SLC14A2: variants seen among roughly 807,000 people sequenced by gnomAD.
SLC14A2 encodes the protein solute carrier family 14 member 2, also known as urea transporter 2.
Under a neutral mutation model 104.6 loss-of-function variants are expected in SLC14A2, and 91 were observed. The ratio of observed to expected loss-of-function variants is 0.87; its 90% CI spans 0.73 to 1.04. SLC14A2 has a LOEUF of 1.04. SLC14A2 is among the 50% of genes least tolerant of loss of function. The probability of loss-of-function intolerance (pLI) is 0.00; values close to 1 mark genes in which losing one functional copy is unlikely to be tolerated. For missense variants in SLC14A2, 1,189 were observed against 1,156.0 expected (o/e 1.03, Z -0.41); for synonymous variants, 476 against 466.4 (o/e 1.02, Z -0.27).
intron 1 of SLC14A2, among the ~76,000 whole-genome samples, chr18:45,432,919 T>A (rs1254718216): frequency 6.6e-6 from 1 of 152,226 alleles, no homozygotes. Flanking sequence ...GTACATTTTT[T>A]GTGCAATAAA....
rs756238334 is a variant in SLC14A2 at position 45,667,938 on chromosome 18, T to G, written c.1823T>G (p.Phe608Cys). The G allele has an allele frequency of 6.2e-7, 1 of 1,614,130 alleles. No individual in the cohort carries two copies. The highest frequency in any genetic ancestry group is 8.5e-7 in the Non-Finnish European group (1 of 1,180,010). Residue 608 changes from phenylalanine (F) to cysteine (C), a missense_variant, in exon 14 of 20, where the codon TTC becomes TGC. Coordinates refer to ENST00000255226, the MANE Select transcript of SLC14A2 (RefSeq NM_007163.4). Reference sequence around the variant, plus strand: ...GGCATCCTCATCATCCTCGGCCTCTTCATCCAGAACCCCTGGTGGGCGATC... The same window carrying G: ...GGCATCCTCATCATCCTCGGCCTCTGCATCCAGAACCCCTGGTGGGCGATC... ...LSGILIILGL[F>C]IQNPWWAISG...
chr18:45,426,651 A>T (rs1415206448), intron 1 of SLC14A2, among the ~76,000 whole-genome samples: 4 of 147,780 alleles, frequency 2.7e-5, no homozygotes, highest in African/African-American at 9.9e-5. Context: ...ATATACATAT[A>T]TACATACATA....
intron 1 of SLC14A2, among the ~76,000 whole-genome samples, chr18:45,405,353 T>G (rs1172355588): frequency 1.3e-5 from 2 of 152,280 alleles, no homozygotes; most frequent in East Asian, 3.9e-4. Flanking sequence ...ATCTAGGCAC[T>G]ATGTACCTCA....
At chr18:45,219,481 G>A (rs888215592) in intron 1 of SLC14A2, among the ~76,000 whole-genome samples, 3 of 151,024 alleles carry the variant, frequency 2.0e-5, no homozygotes, top group African/African-American at 7.3e-5. Context: ...TCCTCAGGTG[G>A]TAGAATCTAG....
chr18:45,236,662 C>T (rs887776280), intron 1 of SLC14A2, among the ~76,000 whole-genome samples: 7 of 150,792 alleles, frequency 4.6e-5, no homozygotes, highest in Non-Finnish European at 7.4e-5. Context: ...TTCTTTCTTT[C>T]ATCAATGGAC....
chr18:45,223,709 C>T (rs996750607), intron 1 of SLC14A2, among the ~76,000 whole-genome samples: 1 of 152,152 alleles, frequency 6.6e-6, no homozygotes, highest in Non-Finnish European at 1.5e-5. Context: ...CTCCTAGCTC[C>T]CTTAAGGACT....
At chr18:45,361,864 G>A (rs2085615240) in intron 1 of SLC14A2, among the ~76,000 whole-genome samples, 1 of 152,124 alleles carries the variant, frequency 6.6e-6, no homozygotes, top group African/African-American at 2.4e-5. Context: ...ATTGCTGCAT[G>A]GAAAAAAATG....
intron 1 of SLC14A2, among the ~76,000 whole-genome samples, chr18:45,259,023 T>A (rs555063119): frequency 6.6e-6 from 1 of 152,312 alleles, no homozygotes; most frequent in African/African-American, 2.4e-5. Context: ...ACTGGCACAC[T>A]CACACGTGGA....
chr18:45,199,327 C>A, the SLC14A2 span, among the ~76,000 whole-genome samples: 5 of 152,036 alleles, frequency 3.3e-5, no homozygotes, highest in African/African-American at 1.2e-4. Context: ...ACCCTCTTCC[C>A]AATTATTTGT....
intron 1 of SLC14A2, among the ~76,000 whole-genome samples, chr18:45,340,865 G>A (rs1489661178): frequency 2.6e-5 from 4 of 152,142 alleles, no homozygotes. Context: ...TAAGGGTGAA[G>A]CCACCCTTCA....
At chr18:45,252,887 A>G (rs2084437785) in intron 1 of SLC14A2, among the ~76,000 whole-genome samples, 1 of 151,624 alleles carries the variant, frequency 6.6e-6, no homozygotes, top group South Asian at 2.1e-4. Context: ...CAAAAGTCAC[A>G]AAAGATGCCT....
intron 1 of SLC14A2, among the ~76,000 whole-genome samples, chr18:45,434,283 TGA>T (rs1344089805): frequency 6.6e-6 from 1 of 152,182 alleles, no homozygotes; most frequent in East Asian, 1.9e-4. Flanking sequence ...ACTGATGGGT[TGA>T]GAGTCCCACT....
intron 2 of SLC14A2, among the ~76,000 whole-genome samples, chr18:45,591,176 A>T (rs982910908): frequency 1.3e-5 from 2 of 152,062 alleles, no homozygotes; most frequent in Admixed American, 6.5e-5. Flanking sequence ...TACTCTTCTG[A>T]TATGCAAATA....
chr18:45,637,981 T>C (rs1318374914), intron 6 of SLC14A2, among the ~76,000 whole-genome samples: 1 of 152,138 alleles, frequency 6.6e-6, no homozygotes, highest in Non-Finnish European at 1.5e-5. Flanking sequence ...GGCTGAAATA[T>C]AGATCCCAGC....
intron 1 of SLC14A2, among the ~76,000 whole-genome samples, chr18:45,294,645 T>C (rs1265104143): frequency 1.3e-5 from 2 of 152,240 alleles, no homozygotes; most frequent in African/African-American, 4.8e-5. Flanking sequence ...CAAATGTTAA[T>C]AGGTATAACT....
At position 45,236,176 on chromosome 18, in the gene SLC14A2, CATAT is replaced by C. The variant is rs1212617702; in HGVS notation, c.-125+22988_-125+22991del. 1.1e-4 allele frequency among the ~76,000 whole-genome samples: 4 copies of C among 36,186 alleles called. 1 individual carries two copies. The highest frequency in any genetic ancestry group is 2.0e-4 in the Non-Finnish European group (4 of 20,448). 23.7% of individuals were successfully genotyped at this position (36,186 alleles called of 152,430 possible). A position where few individuals can be genotyped will look rare whatever the true frequency, so the allele number is the denominator to read the frequency against. The stretch of plus-strand genomic sequence containing the variant: ...ATGTGTGTATATATGTGTATATATA[CATAT>C]ATGTGTGTATATATGTGTATATATA... On this transcript the variant is annotated intron_variant, in intron 1 of 20. Coordinates refer to the SLC14A2 transcript ENST00000586448.
intron 2 of SLC14A2, among the ~76,000 whole-genome samples, chr18:45,543,765 G>A (rs1193631946): frequency 2.6e-5 from 4 of 152,238 alleles, no homozygotes; most frequent in African/African-American, 9.6e-5. Flanking sequence ...GCCTGTTGCA[G>A]TGTTGGCCTT....
the SLC14A2 span, among the ~76,000 whole-genome samples, chr18:45,182,456 T>C: frequency 6.6e-6 from 1 of 151,730 alleles, no homozygotes; most frequent in African/African-American, 2.4e-5. Context: ...ATTTGAAAAA[T>C]GTGTTATTTC....
intron 10 of SLC14A2, among the ~76,000 whole-genome samples, chr18:45,662,050 C>T (rs973135967): frequency 2.6e-5 from 4 of 152,210 alleles, no homozygotes; most frequent in Non-Finnish European, 5.9e-5. Context: ...CACGCCTGTA[C>T]TCCCAGCACT....
Sources: allele counts gnomAD v4.1 joint callset (sites outside exome capture counted in the v4.1 genomes callset), GRCh38; gene constraint gnomAD v4.1.1; transcripts MANE v1.5; gene names NCBI Gene and HGNC (gene_info 2026-07-23, HGNC 2026-07-21).